The following ZBTB20 variants were observed in gnomAD, a reference collection of about 807,000 sequenced individuals.
ZBTB20 encodes zinc finger and BTB domain-containing protein 20.
A neutral mutation model predicts 56.9 loss-of-function variants in ZBTB20; 9 were observed. That is an observed-to-expected ratio of 0.16 (90% confidence interval 0.10 to 0.28). ZBTB20 has a LOEUF of 0.28. Among genes scored for constraint, ZBTB20 ranks in the 10% least tolerant of loss-of-function variants. ZBTB20 has a pLI of 1.00. For missense variants in ZBTB20, 655 were observed against 1,003.0 expected (o/e 0.65, Z 4.69); for synonymous variants, 417 against 420.7 (o/e 0.99, Z 0.11).
intron 5 of ZBTB20, among the ~76,000 whole-genome samples, chr3:114,704,209 T>G (rs975667802): frequency 3.3e-5 from 5 of 152,168 alleles, no homozygotes; most frequent in African/African-American, 4.8e-5. Context: ...GATTTCTAAC[T>G]CTTTTATTAC....
intron 10 of ZBTB20, among the ~76,000 whole-genome samples, chr3:114,376,421 T>C (rs534131393): frequency 2.5e-4 from 38 of 152,248 alleles, no homozygotes; most frequent in Non-Finnish European, 4.8e-4. Context: ...AGCCTTAATG[T>C]GGCATTAATG....
At chr3:114,585,829 A>G (rs1313194127) in intron 6 of ZBTB20, among the ~76,000 whole-genome samples, 2 of 152,220 alleles carry the variant, frequency 1.3e-5, no homozygotes, top group Admixed American at 1.3e-4. Flanking sequence ...TGTTAATGCA[A>G]TAGTCAAACA....
At chr3:114,676,417 T>A (rs930131812) in intron 6 of ZBTB20, among the ~76,000 whole-genome samples, 9 of 152,326 alleles carry the variant, frequency 5.9e-5, no homozygotes, top group South Asian at 2.1e-4. Context: ...TGGAGCTCAA[T>A]GGAAGGTCAA....
At chr3:114,691,694 T>C (rs2062705725) in intron 6 of ZBTB20, among the ~76,000 whole-genome samples, 1 of 152,050 alleles carries the variant, frequency 6.6e-6, no homozygotes. Flanking sequence ...CACAAAATTA[T>C]ATAGAAAGTA....
chr3:114,798,711 T>C (rs998373404), intron 5 of ZBTB20, among the ~76,000 whole-genome samples: 4 of 152,028 alleles, frequency 2.6e-5, no homozygotes, highest in African/African-American at 9.7e-5. Flanking sequence ...TGTTTGGTGA[T>C]GCTCTGCCCT....
At chr3:114,763,263 G>A (rs1039870987) in intron 5 of ZBTB20, among the ~76,000 whole-genome samples, 3 of 152,024 alleles carry the variant, frequency 2.0e-5, no homozygotes, top group African/African-American at 7.2e-5. Context: ...GGAAATCTTC[G>A]ACCTTCACAT....
intron 7 of ZBTB20, among the ~76,000 whole-genome samples, chr3:114,493,555 T>C (rs1345096845): frequency 6.6e-6 from 1 of 152,214 alleles, no homozygotes; most frequent in African/African-American, 2.4e-5. Context: ...CAACCTGGGC[T>C]GCTAGTCACC....
chr3:115,006,709 T>C (rs1224462393), intron 2 of ZBTB20, among the ~76,000 whole-genome samples: 1 of 151,760 alleles, frequency 6.6e-6, no homozygotes, highest in Admixed American at 6.6e-5. Context: ...CCTGAGCCTC[T>C]TCTACAGCAT....
intron 7 of ZBTB20, among the ~76,000 whole-genome samples, chr3:114,402,995 T>TA (rs2086958699): frequency 1.3e-5 from 2 of 152,154 alleles, no homozygotes; most frequent in South Asian, 4.1e-4. Context: ...ATTTAAAATG[T>TA]AAAAGTGGAT....
intron 11 of ZBTB20, among the ~76,000 whole-genome samples, chr3:114,345,251 T>C (rs933700975): frequency 2.0e-5 from 3 of 152,216 alleles, no homozygotes; most frequent in African/African-American, 7.2e-5. Context: ...GTGATATACA[T>C]GTATATATAC....
intron 1 of ZBTB20, among the ~76,000 whole-genome samples, chr3:115,137,319 GTA>G (rs1426770167): frequency 6.6e-6 from 1 of 151,988 alleles, no homozygotes; most frequent in Non-Finnish European, 1.5e-5. Flanking sequence ...TATACAAAGG[GTA>G]TATGAGTATG....
At chr3:114,707,406 T>C (rs1474040348) in intron 5 of ZBTB20, among the ~76,000 whole-genome samples, 1 of 152,122 alleles carries the variant, frequency 6.6e-6, no homozygotes, top group Non-Finnish European at 1.5e-5. Flanking sequence ...ACACCTCCTT[T>C]AAGCATGACA....
At chr3:115,065,659 T>C (rs2082180871) in intron 2 of ZBTB20, among the ~76,000 whole-genome samples, 1 of 152,180 alleles carries the variant, frequency 6.6e-6, no homozygotes, top group Non-Finnish European at 1.5e-5. Flanking sequence ...ATCATGCTAT[T>C]CACAGGGTCA....
At chr3:114,825,378 T>C (rs80125017) in intron 4 of ZBTB20, among the ~76,000 whole-genome samples, 2,649 of 152,032 alleles carry the variant, frequency 0.017, 93 homozygotes, top group African/African-American at 0.061. Flanking sequence ...TGCTCCACAT[T>C]TCTTTATTGT....
chr3:114,558,051 G>T (rs1310830771), intron 6 of ZBTB20, among the ~76,000 whole-genome samples: 4 of 151,988 alleles, frequency 2.6e-5, no homozygotes, highest in Non-Finnish European at 5.9e-5. Context: ...AAACACAACA[G>T]AATTTTTTCC....
At chr3:114,342,160 A>C (rs575604052) in intron 11 of ZBTB20, among the ~76,000 whole-genome samples, 1 of 152,316 alleles carries the variant, frequency 6.6e-6, no homozygotes, top group African/African-American at 2.4e-5. Flanking sequence ...TTTCTGTATG[A>C]ATTTGAAACG....
chr3:115,146,607 C>A (rs2084982936), intron 1 of ZBTB20, among the ~76,000 whole-genome samples: 1 of 152,172 alleles, frequency 6.6e-6, no homozygotes. Flanking sequence ...GCGAAGCAGG[C>A]GGGGGCCGGG....
intron 7 of ZBTB20, among the ~76,000 whole-genome samples, chr3:114,468,582 A>G (rs914711959): frequency 3.9e-5 from 6 of 152,178 alleles, no homozygotes; most frequent in Non-Finnish European, 8.8e-5. Flanking sequence ...CCTACATGGT[A>G]TTCTATTCTA....
intron 2 of ZBTB20, among the ~76,000 whole-genome samples, chr3:115,007,938 C>A (rs911285120): frequency 6.6e-6 from 1 of 151,848 alleles, no homozygotes; most frequent in African/African-American, 2.4e-5. Context: ...TCTTCTCCTG[C>A]CCTTTTCTCT....
Sources: gnomAD v4.1 joint callset for allele counts (sites outside exome capture counted in the v4.1 genomes callset) on GRCh38, gnomAD v4.1.1 for gene constraint, MANE v1.5 for transcripts, NCBI Gene and HGNC (gene_info 2026-07-23, HGNC 2026-07-21) for gene names.